ACAD11: variants seen among roughly 807,000 people sequenced by gnomAD.
ACAD11 encodes the protein acyl-Coenzyme A dehydrogenase family, member 11.
ACAD11 carries 83 observed loss-of-function variants against 102.2 expected under a neutral mutation model. The ratio of observed to expected loss-of-function variants is 0.81; its 90% CI spans 0.68 to 0.97. ACAD11 has a LOEUF of 0.97. ACAD11 is among the 50% of genes least tolerant of loss of function. ACAD11 has a pLI of 0.00. For missense variants in ACAD11, 901 were observed against 951.7 expected (o/e 0.95, Z 0.70); for synonymous variants, 324 against 319.8 (o/e 1.01, Z -0.14).
chr3:132,598,880 G>A (rs563283963), intron 13 of ACAD11, among the ~76,000 whole-genome samples: 53 of 152,342 alleles, frequency 3.5e-4, no homozygotes, highest in Admixed American at 7.8e-4. Context: ...TTCAGGTGAA[G>A]AGATGTGTCT....
intron 13 of ACAD11, among the ~76,000 whole-genome samples, chr3:132,587,463 GTTAT>G (rs1297893742): frequency 1.3e-5 from 2 of 152,072 alleles, no homozygotes; most frequent in East Asian, 3.9e-4. Flanking sequence ...TTCCTACCTG[GTTAT>G]TTTTTATGTT....
At chr3:132,605,556 T>C (rs527695160) in intron 11 of ACAD11, among the ~76,000 whole-genome samples, 79 of 152,356 alleles carry the variant, frequency 5.2e-4, no homozygotes, top group African/African-American at 1.8e-3. Context: ...CTAGAAGTGA[T>C]TGCAATGCTC....
chr3:132,573,834 G>A (rs1292050527), intron 17 of ACAD11, among the ~76,000 whole-genome samples: 2 of 152,216 alleles, frequency 1.3e-5, no homozygotes, highest in African/African-American at 4.8e-5. Flanking sequence ...AACTGGGATG[G>A]AGAATTTTTT....
chr3:132,563,918 ACT>A (rs1937139686), intron 17 of ACAD11, among the ~76,000 whole-genome samples: 2 of 152,074 alleles, frequency 1.3e-5, no homozygotes, highest in South Asian at 2.1e-4. Context: ...TTTTAAAAAT[ACT>A]CTCTATAAAG....
In ACAD11 at chr3:132,642,069, A is replaced by G. The variant is rs1189879645; in HGVS notation, c.440T>C (p.Val147Ala). Residue 147 changes from valine to alanine, a missense_variant, in exon 4 of 20, where the codon GTG (valine) becomes GCG (alanine). Transcript: ENST00000264990. Reference sequence around the variant, plus strand: ...CTGAGCCAATGTTTCTACCGTGGCCACATATATGGCTGAACGTTCTGCTGG... The same window carrying G: ...CTGAGCCAATGTTTCTACCGTGGCCGCATATATGGCTGAACGTTCTGCTGG... ...LSPAERSAIY[V>A]ATVETLAQLH... 6.2e-7 allele frequency: 1 copy of G among 1,613,968 alleles called. No homozygotes were observed. Among genetic ancestry groups the G allele is most frequent in the African/African-American group, 1.3e-5 (1 of 74,938 alleles).
intron 1 of ACAD11, among the ~76,000 whole-genome samples, chr3:132,657,555 A>G (rs1937873904): frequency 6.6e-6 from 1 of 152,250 alleles, no homozygotes; most frequent in South Asian, 2.1e-4. Flanking sequence ...CCTATTCAAC[A>G]ACATGGCATC....
rs1277939666 is a variant in ACAD11, at chr3:132,558,709, C to T, written c.*262G>A. Reference sequence around the variant, plus strand: ...AGCAATGGGGGTCTCGCTATGTTGCCCAGGCTGGTCCTGAACTCCTGGCCT... The same window carrying T: ...AGCAATGGGGGTCTCGCTATGTTGCTCAGGCTGGTCCTGAACTCCTGGCCT... On this transcript the variant is annotated 3_prime_UTR_variant, in exon 20 of 20. Coordinates refer to ENST00000264990, the MANE Select transcript of ACAD11 (RefSeq NM_032169.5). 5 of 377,540 alleles carry T rather than the reference C, an allele frequency of 1.3e-5. No individual in the cohort carries two copies. Among genetic ancestry groups the T allele is most frequent in the Non-Finnish European group, 2.4e-5 (5 of 212,272 alleles). 23.4% of individuals were successfully genotyped at this position (377,540 alleles called of 1,614,324 possible). A position where few individuals can be genotyped will look rare whatever the true frequency, so the allele number is the denominator to read the frequency against.
chr3:132,658,558 A>T (rs1937941706), intron 1 of ACAD11, among the ~76,000 whole-genome samples: 1 of 152,352 alleles, frequency 6.6e-6, no homozygotes, highest in South Asian at 2.1e-4. Flanking sequence ...AAATAGTTGA[A>T]ATTTGAACTT....
intron 17 of ACAD11, among the ~76,000 whole-genome samples, chr3:132,566,450 A>G (rs1462641751): frequency 6.6e-6 from 1 of 152,138 alleles, no homozygotes; most frequent in Admixed American, 6.5e-5. Context: ...AAATTTGGCA[A>G]GAGACCTAAA....
chr3:132,574,423 T>C (rs1937464977), intron 17 of ACAD11, among the ~76,000 whole-genome samples: 1 of 152,222 alleles, frequency 6.6e-6, no homozygotes, highest in Non-Finnish European at 1.5e-5. Flanking sequence ...AAAGGGCTCC[T>C]GACAAATTAT....
chr3:132,611,776 T>C (rs895869367), intron 11 of ACAD11, among the ~76,000 whole-genome samples: 2 of 151,920 alleles, frequency 1.3e-5, no homozygotes, highest in African/African-American at 4.8e-5. Context: ...GAAGAATCAA[T>C]ATAGTGAAAA....
chr3:132,650,967 G>T (rs1191994545), intron 1 of ACAD11, among the ~76,000 whole-genome samples: 2 of 152,116 alleles, frequency 1.3e-5, no homozygotes, highest in African/African-American at 4.8e-5. Context: ...CTGTGCCCCT[G>T]GAACTCACAG....
chr3:132,656,506 T>TG (rs948499215), intron 1 of ACAD11, among the ~76,000 whole-genome samples: 27 of 151,940 alleles, frequency 1.8e-4, no homozygotes, highest in African/African-American at 6.5e-4. Context: ...TTTTTTTTTT[T>TG]TTTGAGACGG....
rs1559952176 is a variant in ACAD11, at chr3:132,603,274, C to T, written c.1576G>A (p.Asp526Asn). ...CCGTTAATTACATAGCTATCTTCAT[C>T]TCGTTGGATGCTGCATTCAATATTC... The part of the protein sequence containing the change: ...ATNIECSIQR[D>N]EDSYVINGKK... Residue 526 changes from aspartate to asparagine, a missense_variant, in exon 13 of 20, where the codon GAT becomes AAT. Asp to Asn is a conservative substitution (Grantham distance 23, BLOSUM62 1). Transcript: ENST00000264990. 6.2e-7 allele frequency: 1 copy of T among 1,614,076 alleles called. No individual in the cohort carries two copies. The highest frequency in any genetic ancestry group is 1.1e-5 in the South Asian group (1 of 91,078).
At position 132,631,935 on chromosome 3, in the gene ACAD11, A is replaced by G. The variant is rs562557234; in HGVS notation, c.703-456T>C. 5.3e-5 allele frequency among the ~76,000 whole-genome samples: 8 copies of G among 152,356 alleles called. No individual in the cohort carries two copies. In the South Asian group the frequency reaches 1.7e-3, roughly 32 times the overall value. ...TTTCATGTTGTAGATACAAAGCATAATTGTTATAAAAGATACTGTTAGTTT... is the reference window on the plus strand; with the variant it reads ...TTTCATGTTGTAGATACAAAGCATAGTTGTTATAAAAGATACTGTTAGTTT... On this transcript the variant is annotated intron_variant, in intron 5 of 19. Transcript: ENST00000264990.
At chr3:132,580,370 A>C (rs1306275344) in intron 13 of ACAD11, among the ~76,000 whole-genome samples, 2 of 152,058 alleles carry the variant, frequency 1.3e-5, no homozygotes, top group Non-Finnish European at 2.9e-5. Flanking sequence ...GCAGGAATGT[A>C]ATCAGTAAAG....
At chr3:132,630,901 T>A (rs953457654) in intron 6 of ACAD11, among the ~76,000 whole-genome samples, 9 of 152,092 alleles carry the variant, frequency 5.9e-5, no homozygotes, top group African/African-American at 2.2e-4. Context: ...TGAGACACCA[T>A]CTCTACAAAA....
intron 11 of ACAD11, among the ~76,000 whole-genome samples, chr3:132,610,732 T>C (rs1939096930): frequency 6.6e-6 from 1 of 152,200 alleles, no homozygotes; most frequent in Admixed American, 6.5e-5. Context: ...CAATAATTAA[T>C]AACCTACCAA....
At chr3:132,607,857 G>A (rs940875920) in intron 11 of ACAD11, among the ~76,000 whole-genome samples, 1 of 152,166 alleles carries the variant, frequency 6.6e-6, no homozygotes, top group Admixed American at 6.5e-5. Flanking sequence ...AAGAAAAAAT[G>A]TGAGGGGCAG....
Sources: gnomAD v4.1 joint callset for allele counts (sites outside exome capture counted in the v4.1 genomes callset) on GRCh38, gnomAD v4.1.1 for gene constraint, MANE v1.5 for transcripts, NCBI Gene and HGNC (gene_info 2026-07-23, HGNC 2026-07-21) for gene names.